The following DPF1 variants were observed in gnomAD, a reference collection of about 807,000 sequenced individuals.
DPF1 encodes the protein double PHD fingers 1.
Under a neutral mutation model 58.7 loss-of-function variants are expected in DPF1, and 14 were observed. That is an observed-to-expected ratio of 0.24 (90% confidence interval 0.16 to 0.37). DPF1 has a LOEUF of 0.37. Among genes scored for constraint, DPF1 ranks in the 10% least tolerant of loss-of-function variants. The pLI is 1.00. For missense variants in DPF1, 345 were observed against 529.9 expected, an observed-to-expected ratio of 0.65 and a Z score of 3.43; for synonymous variants, 216 against 216.0, an observed-to-expected ratio of 1.00 and a Z score of 0.00.
chr19:38,229,225 G>C lies in DPF1; in HGVS notation c.-132+334C>G, dbSNP rs528304609. 2.0e-5 allele frequency among the ~76,000 whole-genome samples: 3 copies of C among 152,198 alleles called. No homozygotes were observed. The highest frequency in any genetic ancestry group is 1.9e-4 in the East Asian group (1 of 5,144). ...TTTCAGCCCCGGCCGGGGCAGGCCCGGCACCTCCGGAGACCCTGAGGGAGA... is the reference window on the plus strand; with the variant it reads ...TTTCAGCCCCGGCCGGGGCAGGCCCCGCACCTCCGGAGACCCTGAGGGAGA... On this transcript the variant is annotated intron_variant, in intron 1 of 11. Transcript: ENST00000412732. This position sits in a 1 kb window ranked among gnomAD's most constrained non-coding sequence, Gnocchi z 5.3.
At chr19:38,218,166 C>CAA (rs749043841) in intron 5 of DPF1, among the ~76,000 whole-genome samples, 1 of 152,104 alleles carries the variant, frequency 6.6e-6, no homozygotes, top group Non-Finnish European at 1.5e-5. Flanking sequence ...TGCGCCACTG[C>CAA]ACTCTAGCCT....
chr19:38,218,533 A>G (rs1197213018), intron 5 of DPF1, 40 bp downstream of exon 5: 2 of 1,600,524 alleles, frequency 1.2e-6, no homozygotes, highest in South Asian at 2.2e-5. Context: ...GAGACCTGTC[A>G]TTGAGGGGAG....
intron 7 of DPF1, 64 bp downstream of exon 7, chr19:38,217,396 C>CCCGGGGGGG: frequency 1.6e-6 from 2 of 1,225,738 alleles, no homozygotes; most frequent in Non-Finnish European, 2.2e-6. Flanking sequence ...CCCCCACCCC[C>CCCGGGGGGG]AGCTGGGCTC....
rs1057247679 is a variant in DPF1 at position 38,211,798 on chromosome 19, C to T, written c.*265G>A. On this transcript the variant is annotated 3_prime_UTR_variant, in exon 12 of 12. Transcript: ENST00000355526. This position sits in a 1 kb window ranked among gnomAD's most constrained non-coding sequence, Gnocchi z 4.0. Reference sequence around the variant, plus strand: ...ACCACCCCCCATGCCCGCCCAGAGGCGGGGTATGGCTTTGAGGGGAGAAGC... The same window carrying T: ...ACCACCCCCCATGCCCGCCCAGAGGTGGGGTATGGCTTTGAGGGGAGAAGC... 2.5e-4 allele frequency: 123 copies of T among 490,422 alleles called. 1 individual carries two copies. The highest frequency in any genetic ancestry group is 3.9e-4 in the Non-Finnish European group (109 of 281,552). 30.4% of individuals were successfully genotyped at this position (490,422 alleles called of 1,614,324 possible). A position where few individuals can be genotyped will look rare whatever the true frequency, so the allele number is the denominator to read the frequency against.
intron 3 of DPF1, among the ~76,000 whole-genome samples, chr19:38,221,883 A>G (rs900131200): frequency 1.3e-5 from 2 of 152,050 alleles, no homozygotes; most frequent in Non-Finnish European, 2.9e-5. Context: ...GGAGTTCCAG[A>G]CCAGCCTGAC....
intron 1 of DPF1, 182 bp downstream of exon 1, chr19:38,223,932 G>T (rs1226059092): frequency 1.3e-6 from 1 of 757,002 alleles, no homozygotes; most frequent in Non-Finnish European, 1.8e-6. Flanking sequence ...GCCAGGGAGC[G>T]GTGCATCCGA....
upstream of DPF1, among the ~76,000 whole-genome samples, chr19:38,226,501 T>TACACACACACA (rs1491357893): frequency 1.6e-5 from 1 of 64,088 alleles, no homozygotes; most frequent in African/African-American, 8.8e-5. Flanking sequence ...CACGGTCACT[T>TACACACACACA]CTACACACAC....
At chr19:38,219,182 C>T in intron 3 of DPF1, 124 bp from the exon 4 acceptor site, 3 of 1,411,926 alleles carry the variant, frequency 2.1e-6, no homozygotes, top group Non-Finnish European at 2.9e-6. Context: ...AGGATTTAAC[C>T]ACATGCCCTA....
At chr19:38,226,103 C>G (rs930685017), upstream of DPF1, among the ~76,000 whole-genome samples, 8 of 152,108 alleles carry the variant, frequency 5.3e-5, no homozygotes, top group African/African-American at 1.9e-4. Context: ...CCCCTGACGG[C>G]CCTCCCCAAG....
intron 3 of DPF1, among the ~76,000 whole-genome samples, chr19:38,220,254 AAG>A (rs1308386059): frequency 6.6e-6 from 1 of 151,326 alleles, no homozygotes; most frequent in Non-Finnish European, 1.5e-5. Flanking sequence ...GAAGGAAAGA[AAG>A]AAAGAAAGGA....
In DPF1 at chr19:38,212,049, CG is replaced by C. The variant is rs1328169544; in HGVS notation, c.*13del. ...GGCGAGCACCACCCCAGAGTCGCGG[CG>C]AGCCGAGCCGGCCTAGGTGAGGGTG... On this transcript the variant is annotated 3_prime_UTR_variant, in exon 12 of 12. Transcript: ENST00000355526. The C allele has an allele frequency of 6.2e-7, 1 of 1,601,572 alleles. No homozygotes were observed. Among genetic ancestry groups the C allele is most frequent in the Non-Finnish European group, 8.5e-7 (1 of 1,176,524 alleles).
intron 7 of DPF1, 183 bp downstream of exon 7, chr19:38,217,277 G>A (rs1263666754): frequency 2.2e-5 from 16 of 725,134 alleles, no homozygotes; most frequent in Non-Finnish European, 3.5e-5. Context: ...CAGGAGCGAA[G>A]GAGCGATGGT....
At chr19:38,217,738 G>A (rs759782498) in intron 6 of DPF1, 60 bp downstream of exon 6, 8 of 1,607,434 alleles carry the variant, frequency 5.0e-6, no homozygotes, top group South Asian at 1.1e-5. Flanking sequence ...AGAGGGCCAC[G>A]AGGTGGGGAG....
At chr19:38,223,918 C>A (rs1967682347) in intron 1 of DPF1, 196 bp downstream of exon 1, 3 of 666,776 alleles carry the variant, frequency 4.5e-6, no homozygotes, top group Non-Finnish European at 6.4e-6. Flanking sequence ...ACGCCCTCCA[C>A]CCCGCCAGGG....
At chr19:38,215,513 AC>A (rs1253993190) in intron 9 of DPF1, among the ~76,000 whole-genome samples, 2 of 151,724 alleles carry the variant, frequency 1.3e-5, no homozygotes, top group East Asian at 2.0e-4. Context: ...ACAAAACAAA[AC>A]AAAACAAAAA....
In DPF1 at chr19:38,222,863, G is replaced by A. The variant is rs1162662099; in HGVS notation, c.30-155C>T. The stretch of plus-strand genomic sequence containing the variant: ...TCCCCTCCTCCCACTCCGGGACCCA[G>A]GCTGGGGGAAGGGGACAGGGCCCAG... On this transcript the variant is annotated intron_variant, in intron 1 of 11. Coordinates refer to ENST00000355526, the MANE Select transcript of DPF1 (RefSeq NM_001135155.3). This position sits in a 1 kb window ranked among gnomAD's most constrained non-coding sequence, Gnocchi z 4.9. 3.5e-6 allele frequency: 4 copies of A among 1,145,638 alleles called. No homozygotes were observed. The African/African-American group carries it at 5.0e-5, about 14-fold the overall frequency. 71.0% of individuals were successfully genotyped at this position (1,145,638 alleles called of 1,614,324 possible).
At chr19:38,216,294 G>T (rs539255775) in intron 8 of DPF1, 35 bp from the exon 9 acceptor site, 1 of 1,612,312 alleles carries the variant, frequency 6.2e-7, no homozygotes, top group South Asian at 1.1e-5. Context: ...GCACGGGGCA[G>T]GCAAGGGCAC....
At chr19:38,227,363 C>T (rs1967875200), upstream of DPF1, among the ~76,000 whole-genome samples, 1 of 151,948 alleles carries the variant, frequency 6.6e-6, no homozygotes, top group Non-Finnish European at 1.5e-5. Flanking sequence ...CAGGCATAAG[C>T]CACCATGCCC....
At position 38,213,759 on chromosome 19, in the gene DPF1, G is replaced by C. The variant is rs769591934; in HGVS notation, c.899-3C>G. On this transcript the variant is annotated splice_region_variant and splice_polypyrimidine_tract_variant and intron_variant, in intron 9 of 11. Coordinates refer to ENST00000355526, the MANE Select transcript of DPF1 (RefSeq NM_001135155.3). Reference sequence around the variant, plus strand: ...GAATTGTAAACACGAGGGGTGTCCTGGGGGCCAAGGGGCAGGGGTGCAGTT... The same window carrying C: ...GAATTGTAAACACGAGGGGTGTCCTCGGGGCCAAGGGGCAGGGGTGCAGTT... The C allele has an allele frequency of 6.2e-7, 1 of 1,612,620 alleles. No individual in the cohort carries two copies. Among genetic ancestry groups the C allele is most frequent in the Non-Finnish European group, 8.5e-7 (1 of 1,178,952 alleles).
Sources: gnomAD v4.1 joint callset for allele counts (sites outside exome capture counted in the v4.1 genomes callset) on GRCh38, gnomAD v4.1.1 for gene constraint, Gnocchi (gnomAD v3.1) non-coding constraint, MANE v1.5 for transcripts, NCBI Gene and HGNC (gene_info 2026-07-23, HGNC 2026-07-21) for gene names.